The following DLGAP1 variants were observed in gnomAD, a reference collection of about 807,000 sequenced individuals.
DLGAP1 encodes disks large-associated protein 1.
In DLGAP1, 11 loss-of-function variants were observed where a neutral mutation model predicts 90.8. That is an observed-to-expected ratio of 0.12 (90% CI 0.08 to 0.20). The LOEUF (loss-of-function observed/expected upper bound fraction) is 0.20. Among genes scored for constraint, DLGAP1 ranks in the 10% least tolerant of loss-of-function variants. DLGAP1 has a pLI of 1.00. For missense variants in DLGAP1, 1,050 were observed against 1,333.8 expected, an observed-to-expected ratio of 0.79 and a Z score of 3.31; for synonymous variants, 558 against 540.7, an observed-to-expected ratio of 1.03 and a Z score of -0.44.
chr18:4,025,199 T>G (rs1010230578), intron 2 of DLGAP1, among the ~76,000 whole-genome samples: 14 of 152,192 alleles, frequency 9.2e-5, no homozygotes, highest in African/African-American at 3.4e-4. Flanking sequence ...GTGTGCACTC[T>G]ACACTGAGTA....
At chr18:3,730,647 T>C (rs1328109170) in intron 6 of DLGAP1, among the ~76,000 whole-genome samples, 1 of 152,174 alleles carries the variant, frequency 6.6e-6, no homozygotes, top group African/African-American at 2.4e-5. Flanking sequence ...CTGAAAACTA[T>C]TACAATTTTT....
chr18:3,502,567 T>C lies in DLGAP1; in HGVS notation c.2650A>G (p.Ile884Val), dbSNP rs1179877581. 6.2e-7 allele frequency: 1 copy of C among 1,614,064 alleles called. No homozygotes were observed. ...WDMLQLSIEN[I>V]SMKFDELHQL... The stretch of plus-strand genomic sequence containing the variant: ...TGAAGTTCATCAAATTTCATACTAA[T>C]ATTTTCTATGGACAACTGCAGCATG... The change falls in exon 12 of 13, where the codon ATT (isoleucine) becomes GTT (valine). Residue 884 changes from isoleucine (I) to valine (V), a missense_variant. By Grantham distance (29) the Ile-to-Val change is conservative. Coordinates refer to ENST00000315677, the MANE Select transcript of DLGAP1 (RefSeq NM_004746.4).
intron 1 of DLGAP1, among the ~76,000 whole-genome samples, chr18:4,265,134 TCCTC>T (rs2079081323): frequency 7.1e-6 from 1 of 140,134 alleles, no homozygotes; most frequent in Non-Finnish European, 1.5e-5. Flanking sequence ...TTCCTTCCTT[TCCTC>T]CCTCCCTCCC....
chr18:3,521,710 A>C (rs1248107606), intron 10 of DLGAP1, among the ~76,000 whole-genome samples: 1 of 152,186 alleles, frequency 6.6e-6, no homozygotes, highest in Non-Finnish European at 1.5e-5. Context: ...ATGTTCTGTT[A>C]ATATGTCAGA....
intron 7 of DLGAP1, among the ~76,000 whole-genome samples, chr18:3,715,413 T>C (rs962209453): frequency 1.3e-5 from 2 of 152,244 alleles, no homozygotes; most frequent in African/African-American, 4.8e-5. Context: ...AGTGCTGCAC[T>C]GAGGTGTACA....
Position 4,187,390 on chromosome 18 carries a change from T to C in DLGAP1, c.-266-36103A>G, listed in dbSNP as rs1256363045. Among the ~76,000 whole-genome samples, 3 of 152,146 alleles carry C rather than the reference T, an allele frequency of 2.0e-5. No homozygotes were observed. The East Asian group carries it at 5.8e-4, about 29-fold the overall frequency. The stretch of plus-strand genomic sequence containing the variant: ...ACGCTCCTTTAAACGTTCCAAGATA[T>C]TGATCCCCCAAAATTTGTATTTAAA... On this transcript the variant is annotated intron_variant, in intron 1 of 12. Transcript: ENST00000315677.
intron 2 of DLGAP1, among the ~76,000 whole-genome samples, chr18:4,063,147 G>T (rs971320140): frequency 4.6e-5 from 7 of 152,110 alleles, no homozygotes; most frequent in African/African-American, 1.7e-4. Context: ...GTTTTTCTTG[G>T]TAACAGATAC....
At chr18:3,640,881 T>C (rs567348087) in intron 7 of DLGAP1, among the ~76,000 whole-genome samples, 1 of 152,346 alleles carries the variant, frequency 6.6e-6, no homozygotes, top group South Asian at 2.1e-4. Flanking sequence ...TATTATGTAT[T>C]ATACAATTTA....
intron 1 of DLGAP1, among the ~76,000 whole-genome samples, chr18:4,437,939 A>G (rs1343188994): frequency 3.3e-5 from 5 of 152,202 alleles, no homozygotes; most frequent in Admixed American, 3.3e-4. Context: ...TGGCATTTCT[A>G]CTTGCTTCTT....
chr18:4,008,693 A>C (rs1014213299), intron 2 of DLGAP1, among the ~76,000 whole-genome samples: 1 of 152,242 alleles, frequency 6.6e-6, no homozygotes, highest in Non-Finnish European at 1.5e-5. Context: ...ACGGGGAAAA[A>C]AATAACAATT....
intron 7 of DLGAP1, among the ~76,000 whole-genome samples, chr18:3,590,716 G>T (rs1212686705): frequency 6.6e-6 from 1 of 152,062 alleles, no homozygotes; most frequent in East Asian, 1.9e-4. Flanking sequence ...TTAGCCGGGG[G>T]TGGTGGCACA....
At chr18:3,611,258 A>G (rs1374350267) in intron 7 of DLGAP1, among the ~76,000 whole-genome samples, 1 of 152,110 alleles carries the variant, frequency 6.6e-6, no homozygotes, top group East Asian at 1.9e-4. Context: ...CACCCAGCTT[A>G]CAGCAGCCTC....
chr18:3,531,911 A>G (rs1467407040), intron 10 of DLGAP1, among the ~76,000 whole-genome samples: 39 of 152,130 alleles, frequency 2.6e-4, no homozygotes, highest in Admixed American at 2.5e-3. Flanking sequence ...GCTAGAGTGC[A>G]GTGGCACAGT....
At chr18:4,374,850 G>A (rs1352411399) in intron 1 of DLGAP1, among the ~76,000 whole-genome samples, 1 of 151,938 alleles carries the variant, frequency 6.6e-6, no homozygotes, top group African/African-American at 2.4e-5. Context: ...CTGTCCTAAT[G>A]AAATATAAGT....
At chr18:3,876,810 C>A (rs2071017118) in intron 4 of DLGAP1, among the ~76,000 whole-genome samples, 1 of 152,106 alleles carries the variant, frequency 6.6e-6, no homozygotes, top group African/African-American at 2.4e-5. Flanking sequence ...ATTTCCAAAT[C>A]TTTATAGTAG....
At chr18:3,784,746 A>C (rs2065368176) in intron 5 of DLGAP1, among the ~76,000 whole-genome samples, 1 of 152,224 alleles carries the variant, frequency 6.6e-6, no homozygotes. Context: ...GCGCTGCCAG[A>C]ATTTTATTTT....
At position 4,298,771 on chromosome 18, in the gene DLGAP1, T is replaced by TA. The variant is rs35138786; in HGVS notation, c.-266-147485dup. ...ACATGTACCCTAAAATTTAAATAAATAAAAAAAAAAAAGCAGCAGCAAATT... is the reference window on the plus strand; with the variant it reads ...ACATGTACCCTAAAATTTAAATAAATAAAAAAAAAAAAAGCAGCAGCAAATT... On this transcript the variant is annotated intron_variant, in intron 1 of 12. Coordinates refer to ENST00000315677, the MANE Select transcript of DLGAP1 (RefSeq NM_004746.4). 5.7e-4 allele frequency among the ~76,000 whole-genome samples: 55 copies of TA among 96,642 alleles called. No homozygotes were observed. In the East Asian group the frequency reaches 8.6e-3, roughly 15 times the overall value. The allele number at this position is 96,642 out of a possible 152,430, so 63.4% of individuals were successfully genotyped here.
chr18:3,533,027 C>CA (rs560640891), intron 10 of DLGAP1, among the ~76,000 whole-genome samples: 66 of 152,126 alleles, frequency 4.3e-4, no homozygotes, highest in African/African-American at 1.6e-3. Flanking sequence ...CACGGTGGCT[C>CA]ATGCCTGTAA....
At chr18:3,590,667 G>A (rs185650803) in intron 7 of DLGAP1, among the ~76,000 whole-genome samples, 10 of 151,990 alleles carry the variant, frequency 6.6e-5, no homozygotes, top group African/African-American at 2.2e-4. Flanking sequence ...CCATCCTGGC[G>A]AACATGGTGA....
Sources: gnomAD v4.1 joint callset for allele counts (sites outside exome capture counted in the v4.1 genomes callset) on GRCh38, gnomAD v4.1.1 for gene constraint, MANE v1.5 for transcripts, NCBI Gene and HGNC (gene_info 2026-07-23, HGNC 2026-07-21) for gene names.